Variants in EHD4 observed in about 807,000 individuals in gnomAD.
EHD4 encodes the protein EH domain-containing protein 4.
EHD4 carries 37 observed loss-of-function variants against 51.0 expected under a neutral mutation model. The observed-to-expected ratio is 0.73, with a 90% CI of 0.56 to 0.95. The LOEUF (loss-of-function observed/expected upper bound fraction) is 0.95, where lower values mean the gene tolerates loss of function less well. Among genes scored for constraint, EHD4 ranks in the 40% least tolerant of loss-of-function variants. The pLI is 0.00. For synonymous variants in EHD4, 297 were observed against 317.3 expected (o/e 0.94, Z 0.68); for missense variants, 632 against 733.1 (o/e 0.86, Z 1.59).
At chr15:41,947,299 T>C (rs1415419298) in intron 2 of EHD4, among the ~76,000 whole-genome samples, 1 of 152,160 alleles carries the variant, frequency 6.6e-6, no homozygotes, top group Non-Finnish European at 1.5e-5. Context: ...GCTCTCTACC[T>C]AGTGGTGTGG....
chr15:41,942,808 A>C, intron 3 of EHD4: 3 of 196,936 alleles, frequency 1.5e-5, no homozygotes, highest in South Asian at 1.6e-4. Flanking sequence ...ACACCTCGAT[A>C]CCTCCCATTG....
intron 1 of EHD4, among the ~76,000 whole-genome samples, chr15:41,967,794 C>T (rs1441825054): frequency 6.6e-6 from 1 of 152,204 alleles, no homozygotes; most frequent in African/African-American, 2.4e-5. Context: ...AGAACATCTG[C>T]CTGCTTCCAG....
rs141070935 is a variant in EHD4, at chr15:41,955,947, T to C, written c.237-2007A>G. ...CACGTCCAGTTTGATTTTTACGCCC[T>C]GTGGCCTGGATGGGGCTATGTCTGG... is the stretch of plus-strand genomic sequence containing the variant. On this transcript the variant is annotated intron_variant, in intron 1 of 5. Coordinates refer to ENST00000220325, the MANE Select transcript of EHD4 (RefSeq NM_139265.4). Among the ~76,000 whole-genome samples, 4 of 152,318 alleles carry C rather than the reference T, an allele frequency of 2.6e-5. No individual in the cohort carries two copies. In the East Asian group the frequency reaches 7.7e-4, roughly 29 times the overall value.
At chr15:41,938,970 G>A (rs1308221733) in intron 3 of EHD4, among the ~76,000 whole-genome samples, 1 of 152,156 alleles carries the variant, frequency 6.6e-6, no homozygotes, top group Non-Finnish European at 1.5e-5. Context: ...GGTTCAGCAT[G>A]GACTCAATAG....
In EHD4 at chr15:41,919,219, C is replaced by T; in HGVS notation, c.915G>A (p.Arg305=). ...RKLNDLIKRA[R]LAKVHAYIIS... is the part of the protein sequence containing the mutation. ...GCATCTCCTGGCTTACCTTGGCCAG[C>T]CTCGCTCGCTTGATGAGGTCGTTGA... is the stretch of plus-strand genomic sequence containing the variant. Residue 305 remains arginine (R), a synonymous_variant, in exon 4 of 6, where the codon AGG becomes AGA. Transcript: ENST00000220325. 1 of 1,613,840 alleles carries T rather than the reference C, an allele frequency of 6.2e-7. No individual in the cohort carries two copies. The highest frequency in any genetic ancestry group is 8.5e-7 in the Non-Finnish European group (1 of 1,180,036).
intron 3 of EHD4, among the ~76,000 whole-genome samples, chr15:41,936,880 G>A (rs2067735024): frequency 6.6e-6 from 1 of 152,176 alleles, no homozygotes; most frequent in South Asian, 2.1e-4. Flanking sequence ...AAGAAATCAG[G>A]ATTTCCTGCT....
At chr15:41,914,215 C>T (rs779423660) in intron 4 of EHD4, among the ~76,000 whole-genome samples, 11 of 152,138 alleles carry the variant, frequency 7.2e-5, no homozygotes, top group East Asian at 3.9e-4. Flanking sequence ...TTGGGGAAGG[C>T]GGGCTGGGAA....
At chr15:41,951,792 G>A (rs1386138076) in intron 2 of EHD4, among the ~76,000 whole-genome samples, 1 of 152,138 alleles carries the variant, frequency 6.6e-6, no homozygotes, top group African/African-American at 2.4e-5. Flanking sequence ...ACCCTCTGGG[G>A]TTCTCCCGCC....
chr15:41,896,949 G>C lies in EHD4; in HGVS notation c.*3696C>G, dbSNP rs2067442759. 6.6e-6 allele frequency: 1 copy of C among 152,066 alleles called. No homozygotes were observed. The highest frequency in any genetic ancestry group is 2.4e-5 in the African/African-American group (1 of 41,400). 9.4% of individuals were successfully genotyped at this position (152,066 alleles called of 1,614,324 possible). A position where few individuals can be genotyped will look rare whatever the true frequency, so the allele number is the denominator to read the frequency against. On this transcript the variant is annotated 3_prime_UTR_variant, in exon 6 of 6. Coordinates refer to ENST00000220325, the MANE Select transcript of EHD4 (RefSeq NM_139265.4). ...AACTCTTCTCCCCCGGTTCAACCTG[G>C]ATCCAGGGATCCACACTCTGCTCCG... is the stretch of plus-strand genomic sequence containing the variant.
At chr15:41,908,532 T>C (rs1036443201) in intron 5 of EHD4, 14 of 152,202 alleles carry the variant, frequency 9.2e-5, no homozygotes, top group African/African-American at 3.4e-4. Flanking sequence ...GTGGTCTCTG[T>C]GTGCAGCCCA....
chr15:41,929,431 T>C (rs1253600338), intron 3 of EHD4, among the ~76,000 whole-genome samples: 1 of 152,084 alleles, frequency 6.6e-6, no homozygotes, highest in African/African-American at 2.4e-5. Flanking sequence ...CAGAGGAAGG[T>C]TCCACGCCAG....
intron 3 of EHD4, among the ~76,000 whole-genome samples, chr15:41,939,531 A>G (rs117874072): frequency 0.026 from 3,922 of 152,188 alleles, 98 homozygotes; most frequent in South Asian, 0.078. Context: ...CATACTGATT[A>G]TCATTTTAAC....
intron 1 of EHD4, among the ~76,000 whole-genome samples, chr15:41,964,143 T>TCAAAA (rs1279308466): frequency 2.5e-5 from 1 of 39,224 alleles, no homozygotes; most frequent in Non-Finnish European, 4.4e-5. Context: ...AGACTCCATC[T>TCAAAA]CAAAAAAAAA....
intron 3 of EHD4, among the ~76,000 whole-genome samples, chr15:41,926,876 C>A (rs2067665556): frequency 6.6e-6 from 1 of 152,358 alleles, no homozygotes; most frequent in African/African-American, 2.4e-5. Context: ...TCTTCTCCAA[C>A]TACAGCCACT....
chr15:41,911,416 G>T (rs536727795), intron 4 of EHD4, among the ~76,000 whole-genome samples: 1 of 152,066 alleles, frequency 6.6e-6, no homozygotes, highest in South Asian at 2.1e-4. Context: ...GGCTTTAACC[G>T]CTGTGATGAG....
chr15:41,969,133 T>C (rs1031557551), intron 1 of EHD4, among the ~76,000 whole-genome samples: 31 of 152,264 alleles, frequency 2.0e-4, no homozygotes, highest in African/African-American at 7.2e-4. Context: ...TTCCCTGCTC[T>C]CTACCCTTTT....
At chr15:41,955,202 T>G (rs778170699) in intron 1 of EHD4, among the ~76,000 whole-genome samples, 44 of 146,146 alleles carry the variant, frequency 3.0e-4, no homozygotes, top group Non-Finnish European at 2.4e-4. Context: ...TCTATATTGT[T>G]TCACCTCATG....
chr15:41,968,974 A>G (rs2067979050), intron 1 of EHD4, among the ~76,000 whole-genome samples: 4 of 152,224 alleles, frequency 2.6e-5, no homozygotes, highest in Admixed American at 1.3e-4. Context: ...CAGTTGTCCT[A>G]GCACCATTTG....
Position 41,898,202 on chromosome 15 carries a change from T to C in EHD4, c.*2443A>G, listed in dbSNP as rs1029996932. ...GGTGCCAGCAGGGAAAGGACTCCGCTGCCTGACGCCTCTCCCACCTGAGAG... is the reference window on the plus strand; with the variant it reads ...GGTGCCAGCAGGGAAAGGACTCCGCCGCCTGACGCCTCTCCCACCTGAGAG... On this transcript the variant is annotated 3_prime_UTR_variant, in exon 6 of 6. Coordinates refer to ENST00000220325, the MANE Select transcript of EHD4 (RefSeq NM_139265.4). The C allele has an allele frequency of 6.6e-6, 1 of 152,220 alleles. No individual in the cohort carries two copies. The allele number at this position is 152,220 out of a possible 1,614,324, so 9.4% of individuals were successfully genotyped here.
Sources: allele counts gnomAD v4.1 joint callset (sites outside exome capture counted in the v4.1 genomes callset), GRCh38; gene constraint gnomAD v4.1.1; transcripts MANE v1.5; gene names NCBI Gene and HGNC (gene_info 2026-07-23, HGNC 2026-07-21).